Variants in PTPRD observed in about 807,000 individuals in gnomAD.
PTPRD encodes protein tyrosine phosphatase receptor type D.
Under a neutral mutation model 214.5 loss-of-function variants are expected in PTPRD, and 34 were observed. The observed-to-expected ratio is 0.16, with a 90% CI of 0.12 to 0.21. PTPRD has a LOEUF of 0.21. Ranked by LOEUF, PTPRD falls within the 10% of genes least tolerant of loss-of-function variation. The pLI, the probability that PTPRD is intolerant of heterozygous loss-of-function variation, is 1.00. For missense variants in PTPRD, 2,545 were observed against 2,398.7 expected, an observed-to-expected ratio of 1.06 and a Z score of -1.27; for synonymous variants, 1,128 against 845.7, an observed-to-expected ratio of 1.33 and a Z score of -5.79.
chr9:10,516,822 A>G (rs550856637), intron 2 of PTPRD, among the ~76,000 whole-genome samples: 1 of 152,086 alleles, frequency 6.6e-6, no homozygotes, highest in South Asian at 2.1e-4. Context: ...CCATTTGCTG[A>G]AGAAACTATT....
chr9:10,575,424 T>C (rs1298268100), intron 2 of PTPRD, among the ~76,000 whole-genome samples: 4 of 152,108 alleles, frequency 2.6e-5, no homozygotes, highest in South Asian at 4.1e-4. Flanking sequence ...GGGCCACAAA[T>C]AGATTTTTTT....
intron 2 of PTPRD, among the ~76,000 whole-genome samples, chr9:10,549,968 C>A (rs1268807794): frequency 6.6e-6 from 1 of 152,092 alleles, no homozygotes; most frequent in Non-Finnish European, 1.5e-5. Flanking sequence ...AAGCATAGTG[C>A]CTTGAACGTT....
At chr9:10,493,230 C>T (rs543058799) in intron 2 of PTPRD, among the ~76,000 whole-genome samples, 1 of 152,010 alleles carries the variant, frequency 6.6e-6, no homozygotes. Flanking sequence ...ACTTTCTTCA[C>T]AGAATTAGAA....
intron 3 of PTPRD, among the ~76,000 whole-genome samples, chr9:10,064,160 T>C (rs1461184359): frequency 6.6e-6 from 1 of 151,980 alleles, no homozygotes; most frequent in African/African-American, 2.4e-5. Flanking sequence ...TTTACCAGAA[T>C]TATTCCTCTT....
chr9:10,127,969 C>A (rs1411087539), intron 3 of PTPRD, among the ~76,000 whole-genome samples: 3 of 152,088 alleles, frequency 2.0e-5, no homozygotes, highest in African/African-American at 7.2e-5. Context: ...TGCTTTTTAT[C>A]CATTTTATAT....
intron 7 of PTPRD, among the ~76,000 whole-genome samples, chr9:9,722,951 TATATG>T (rs2097991425): frequency 1.3e-5 from 2 of 152,102 alleles, no homozygotes; most frequent in Non-Finnish European, 2.9e-5. Context: ...TCTTATTGGA[TATATG>T]ATTTCACAAC....
chr9:8,823,576 G>C (rs1260355329), intron 11 of PTPRD, among the ~76,000 whole-genome samples: 1 of 152,056 alleles, frequency 6.6e-6, no homozygotes, highest in Non-Finnish European at 1.5e-5. Flanking sequence ...ACCTGGGCCA[G>C]GGAGGTCGAG....
chr9:8,566,040 C>T (rs1056522168), intron 14 of PTPRD, among the ~76,000 whole-genome samples: 7 of 150,882 alleles, frequency 4.6e-5, no homozygotes, highest in African/African-American at 1.2e-4. Context: ...AGAACAAAAT[C>T]ACCAGTGGAA....
At position 8,331,575 on chromosome 9, in the gene PTPRD, A is replaced by AACTTACCATTCCTGAACTGTG; in HGVS notation, c.5534+6_5534+7insCACAGTTCAGGAATGGTAAGT. 3 of 1,509,576 alleles carry AACTTACCATTCCTGAACTGTG rather than the reference A, an allele frequency of 2.0e-6. No homozygotes were observed. Among genetic ancestry groups the AACTTACCATTCCTGAACTGTG allele is most frequent in the African/African-American group, 5.8e-5 (2 of 34,722 alleles). The allele number at this position is 1,509,576 out of a possible 1,614,324, so 93.5% of individuals were successfully genotyped here. On this transcript the variant is annotated splice_region_variant and intron_variant, in intron 44 of 45. Transcript: ENST00000381196. ...TATCACTGCTTTATTCACAAATGGA[A>AACTTACCATTCCTGAACTGTG]ACTTACCTGCAATGGACTGAAATGG...
intron 3 of PTPRD, among the ~76,000 whole-genome samples, chr9:10,172,585 T>G (rs2099216599): frequency 6.6e-6 from 1 of 152,196 alleles, no homozygotes; most frequent in Admixed American, 6.5e-5. Context: ...CCTTCACATT[T>G]GATGCGGCTG....
At chr9:10,001,632 T>A (rs1298047778) in intron 4 of PTPRD, among the ~76,000 whole-genome samples, 1 of 152,098 alleles carries the variant, frequency 6.6e-6, no homozygotes, top group African/African-American at 2.4e-5. Flanking sequence ...GACTATCACA[T>A]AAGAATTCTC....
At chr9:9,484,135 T>A (rs867979) in intron 8 of PTPRD, among the ~76,000 whole-genome samples, 111,266 of 151,636 alleles carry the variant, frequency 0.73, 40,859 homozygotes, top group African/African-American at 0.77. Flanking sequence ...TGATTTAAAC[T>A]AATTATAATT....
chr9:10,430,852 T>G (rs534984953), intron 2 of PTPRD, among the ~76,000 whole-genome samples: 63 of 152,008 alleles, frequency 4.1e-4, no homozygotes, highest in Non-Finnish European at 8.5e-4. Context: ...TCCCTGATGT[T>G]AATCAGAAGT....
At chr9:8,804,412 A>G (rs2096632783) in intron 11 of PTPRD, among the ~76,000 whole-genome samples, 2 of 151,794 alleles carry the variant, frequency 1.3e-5, no homozygotes, top group Non-Finnish European at 2.9e-5. Context: ...AGCCTGGGCA[A>G]CATAAGAAGA....
chr9:8,636,150 C>G (rs940891498), intron 13 of PTPRD, among the ~76,000 whole-genome samples: 1 of 152,216 alleles, frequency 6.6e-6, no homozygotes, highest in Admixed American at 6.5e-5. Flanking sequence ...TGCTGCTTAG[C>G]ATCCATTCCC....
At position 10,443,974 on chromosome 9, in the gene PTPRD, C is replaced by T. The variant is rs929656742; in HGVS notation, c.-599-102957G>A. ...ACTCTATTTATATTAATAGGCCACACTGAGTGCTGATTGTGGCTTTCTTTA... is the reference window on the plus strand; with the variant it reads ...ACTCTATTTATATTAATAGGCCACATTGAGTGCTGATTGTGGCTTTCTTTA... On this transcript the variant is annotated intron_variant, in intron 2 of 45. Transcript: ENST00000381196. Among the ~76,000 whole-genome samples the T allele has an allele frequency of 2.6e-5, 4 of 151,554 alleles. No homozygotes were observed. In the South Asian group the frequency reaches 6.2e-4, roughly 24 times the overall value.
chr9:10,195,118 T>G (rs1158150695), intron 3 of PTPRD, among the ~76,000 whole-genome samples: 1 of 147,770 alleles, frequency 6.8e-6, no homozygotes, highest in African/African-American at 2.5e-5. Flanking sequence ...TTTTTTTTTT[T>G]TTTGTATTTT....
chr9:9,540,876 T>C (rs1591138166), intron 8 of PTPRD, among the ~76,000 whole-genome samples: 1 of 151,774 alleles, frequency 6.6e-6, no homozygotes, highest in African/African-American at 2.4e-5. Context: ...ACCGCTGGGA[T>C]GCAAAACGTT....
intron 5 of PTPRD, among the ~76,000 whole-genome samples, chr9:9,781,862 G>T (rs1474689040): frequency 1.3e-5 from 2 of 150,214 alleles, no homozygotes; most frequent in African/African-American, 4.9e-5. Context: ...GCGCAATCTC[G>T]GCTCGCTGCA....
Sources: allele counts gnomAD v4.1 joint callset (sites outside exome capture counted in the v4.1 genomes callset), GRCh38; gene constraint gnomAD v4.1.1; transcripts MANE v1.5; gene names NCBI Gene and HGNC (gene_info 2026-07-23, HGNC 2026-07-21).